The following TENM2 variants were observed in gnomAD, a reference collection of about 807,000 sequenced individuals.
The protein encoded by TENM2 is teneurin-2.
In TENM2, 52 loss-of-function variants were observed where a neutral mutation model predicts 245.2. The ratio of observed to expected loss-of-function variants is 0.21; its 90% CI spans 0.17 to 0.27. TENM2 has a LOEUF of 0.27. TENM2 is among the 10% of genes least tolerant of loss of function. The pLI, the probability that TENM2 is intolerant of heterozygous loss-of-function variation, is 1.00. For missense variants in TENM2, 3,046 were observed against 3,666.8 expected, an observed-to-expected ratio of 0.83 and a Z score of 4.37; for synonymous variants, 1,363 against 1,438.9, an observed-to-expected ratio of 0.95 and a Z score of 1.19.
intron 2 of TENM2, among the ~76,000 whole-genome samples, chr5:167,682,962 A>C (rs546308470): frequency 3.2e-4 from 48 of 152,348 alleles, no homozygotes; most frequent in African/African-American, 1.1e-3. Flanking sequence ...GAGGAAACAC[A>C]GTAATGACAC....
intron 10 of TENM2, among the ~76,000 whole-genome samples, chr5:168,122,322 A>G (rs1795525785): frequency 6.6e-6 from 1 of 152,172 alleles, no homozygotes; most frequent in Non-Finnish European, 1.5e-5. Flanking sequence ...GACTACAGGC[A>G]CCGGCCACCA....
intron 2 of TENM2, among the ~76,000 whole-genome samples, chr5:167,662,578 A>G (rs1755286260): frequency 6.6e-6 from 1 of 152,240 alleles, no homozygotes; most frequent in African/African-American, 2.4e-5. Context: ...ACCTTGGAAG[A>G]GTTTAACTCA....
intron 2 of TENM2, among the ~76,000 whole-genome samples, chr5:167,746,255 C>G (rs1582898267): frequency 6.6e-6 from 1 of 152,254 alleles, no homozygotes; most frequent in South Asian, 2.1e-4. Flanking sequence ...CACCCTACAG[C>G]CATACTAGGG....
At chr5:167,364,998 C>T (rs1308969392) in intron 1 of TENM2, among the ~76,000 whole-genome samples, 3 of 151,948 alleles carry the variant, frequency 2.0e-5, no homozygotes, top group South Asian at 2.1e-4. Context: ...CGAGAATTCT[C>T]GTATCACATT....
intron 2 of TENM2, among the ~76,000 whole-genome samples, chr5:167,491,436 A>T (rs1417081669): frequency 6.6e-6 from 1 of 152,088 alleles, no homozygotes; most frequent in Non-Finnish European, 1.5e-5. Flanking sequence ...TTCCATCTGT[A>T]ACAGAAAATT....
the TENM2 span, among the ~76,000 whole-genome samples, chr5:167,079,919 A>T: frequency 6.6e-6 from 1 of 152,170 alleles, no homozygotes; most frequent in African/African-American, 2.4e-5. Context: ...ATCATCTGTA[A>T]ACTAAATCCA....
intron 2 of TENM2, among the ~76,000 whole-genome samples, chr5:167,478,385 A>C (rs1767533361): frequency 6.6e-6 from 1 of 152,294 alleles, no homozygotes; most frequent in South Asian, 2.1e-4. Context: ...CTGTCTCCTA[A>C]TGATACAATC....
At chr5:167,409,748 T>C (rs906950807) in intron 2 of TENM2, among the ~76,000 whole-genome samples, 5 of 151,928 alleles carry the variant, frequency 3.3e-5, no homozygotes, top group Non-Finnish European at 5.9e-5. Flanking sequence ...GTGCCATTTT[T>C]ATTCAGGTAG....
chr5:167,354,367 A>C (rs1759172580), intron 1 of TENM2, among the ~76,000 whole-genome samples: 1 of 152,256 alleles, frequency 6.6e-6, no homozygotes, highest in Non-Finnish European at 1.5e-5. Context: ...AAATTAGGTC[A>C]GTGATTTGAA....
At chr5:167,275,781 A>C in the TENM2 span, among the ~76,000 whole-genome samples, 1 of 152,074 alleles carries the variant, frequency 6.6e-6, no homozygotes, top group Non-Finnish European at 1.5e-5. Context: ...ATTTTTCTGC[A>C]GATGCAATCA....
At chr5:167,259,918 C>G in the TENM2 span, among the ~76,000 whole-genome samples, 1 of 152,120 alleles carries the variant, frequency 6.6e-6, no homozygotes, top group Non-Finnish European at 1.5e-5. Context: ...AGAAGAAAGC[C>G]TGCTGATTTG....
chr5:168,102,173 A>C (rs1322512610), intron 9 of TENM2, among the ~76,000 whole-genome samples: 1 of 152,110 alleles, frequency 6.6e-6, no homozygotes, highest in African/African-American at 2.4e-5. Flanking sequence ...TCCTGGGTTC[A>C]AGTGATTCAC....
At position 168,127,942 on chromosome 5, in the gene TENM2, G is replaced by T. The variant is rs568032133; in HGVS notation, c.2422+976G>T. Among the ~76,000 whole-genome samples the T allele has an allele frequency of 7.2e-5, 11 of 152,302 alleles. No individual in the cohort carries two copies. In the East Asian group the frequency reaches 1.9e-3, roughly 27 times the overall value. On this transcript the variant is annotated intron_variant, in intron 12 of 28. Transcript: ENST00000518659. ...GTTTGAGACCCTCCCCTCTGTCCCT[G>T]CCTAACAACCCCAGTCACAGATGGG...
At chr5:167,180,895 G>T in the TENM2 span, among the ~76,000 whole-genome samples, 1 of 151,616 alleles carries the variant, frequency 6.6e-6, no homozygotes, top group African/African-American at 2.4e-5. Flanking sequence ...AGGGGTGGAG[G>T]AGGTAAAAGG....
At chr5:167,850,594 C>T (rs945685810) in intron 2 of TENM2, among the ~76,000 whole-genome samples, 2 of 152,150 alleles carry the variant, frequency 1.3e-5, no homozygotes, top group East Asian at 3.8e-4. Context: ...CCCACATTTA[C>T]CCCAGAGATG....
intron 2 of TENM2, among the ~76,000 whole-genome samples, chr5:167,626,251 A>G (rs1254749866): frequency 4.0e-5 from 6 of 150,638 alleles, no homozygotes; most frequent in Admixed American, 4.0e-4. Context: ...TACCATTCTC[A>G]AAATGTGATC....
chr5:167,901,119 C>T (rs1775668569), intron 3 of TENM2, among the ~76,000 whole-genome samples: 1 of 152,066 alleles, frequency 6.6e-6, no homozygotes, highest in African/African-American at 2.4e-5. Context: ...ATGAAAACCA[C>T]CCAAAATTGA....
chr5:167,107,570 G>A, the TENM2 span, among the ~76,000 whole-genome samples: 1 of 152,160 alleles, frequency 6.6e-6, no homozygotes, highest in Non-Finnish European at 1.5e-5. Context: ...AATGTGTTGA[G>A]ATGAACTTTG....
chr5:167,608,407 A>G (rs893141281), intron 2 of TENM2, among the ~76,000 whole-genome samples: 2 of 152,174 alleles, frequency 1.3e-5, no homozygotes, highest in African/African-American at 4.8e-5. Flanking sequence ...TGCACCACCA[A>G]TAAACATGAA....
Sources: gnomAD v4.1 joint callset for allele counts (sites outside exome capture counted in the v4.1 genomes callset) on GRCh38, gnomAD v4.1.1 for gene constraint, MANE v1.5 for transcripts, NCBI Gene and HGNC (gene_info 2026-07-23, HGNC 2026-07-21) for gene names.